Variants in GLG1 observed in about 807,000 individuals in gnomAD.
GLG1 encodes the protein golgi glycoprotein 1.
A neutral mutation model predicts 160.5 loss-of-function variants in GLG1; 38 were observed. That is an observed-to-expected ratio of 0.24 (90% CI 0.18 to 0.31). The LOEUF (loss-of-function observed/expected upper bound fraction) is 0.31, where lower values mean the gene tolerates loss of function less well. GLG1 is among the 10% of genes least tolerant of loss of function. The pLI, the probability that GLG1 is intolerant of heterozygous loss-of-function variation, is 1.00. For missense variants in GLG1, 1,373 were observed against 1,505.2 expected (o/e 0.91, Z 1.45); for synonymous variants, 644 against 543.4 (o/e 1.19, Z -2.57).
chr16:74,456,343 G>C (rs1016203684), intron 25 of GLG1, among the ~76,000 whole-genome samples: 1 of 152,230 alleles, frequency 6.6e-6, no homozygotes, highest in South Asian at 2.1e-4. Context: ...CTGTTTTTTA[G>C]TAGAGACGGG....
At chr16:74,536,929 T>C (rs1312590006) in intron 1 of GLG1, among the ~76,000 whole-genome samples, 1 of 152,220 alleles carries the variant, frequency 6.6e-6, no homozygotes, top group Non-Finnish European at 1.5e-5. Context: ...AGCTGAGCTA[T>C]GTCACATTAT....
chr16:74,518,049 G>A (rs1296352454), intron 2 of GLG1, among the ~76,000 whole-genome samples: 2 of 152,150 alleles, frequency 1.3e-5, no homozygotes, highest in Non-Finnish European at 2.9e-5. Flanking sequence ...GGAAATAAGA[G>A]AGGACACAAA....
At position 74,606,817 on chromosome 16, in the gene GLG1, G is replaced by T; in HGVS notation, c.278C>A (p.Pro93Gln). Residue 93 changes from proline to glutamine, a missense_variant, in exon 1 of 26, where the codon CCG becomes CAG. By Grantham distance (76) the Pro-to-Gln change is moderately conservative (BLOSUM62 -1). This residue lies in a region of GLG1 where 322 missense variants were observed against 254.6 expected (regional missense o/e 1.26). Transcript: ENST00000422840. ...QQPQPPQPPF[P>Q]AGGPPARRGG... ...CCGCCGGGCCGGAGGCCCACCCGCC[G>T]GGAAAGGCGGCTGCGGCGGCTGAGG... is the stretch of plus-strand genomic sequence containing the variant. The T allele has an allele frequency of 6.2e-7, 1 of 1,603,968 alleles. No individual in the cohort carries two copies. The highest frequency in any genetic ancestry group is 1.7e-4 in the Middle Eastern group (1 of 5,934).
chr16:74,532,990 T>C (rs1306029900), intron 1 of GLG1, among the ~76,000 whole-genome samples: 2 of 152,194 alleles, frequency 1.3e-5, no homozygotes, highest in African/African-American at 4.8e-5. Context: ...TATGGATACA[T>C]TTGCTTTGTA....
intron 1 of GLG1, among the ~76,000 whole-genome samples, chr16:74,544,656 A>G (rs2017994792): frequency 6.6e-6 from 1 of 152,106 alleles, no homozygotes; most frequent in South Asian, 2.1e-4. Flanking sequence ...GCGTGCCACC[A>G]CGCCCAGCTA....
At chr16:74,468,806 T>C (rs1459345758) in intron 17 of GLG1, 140 bp downstream of exon 17, 2 of 656,134 alleles carry the variant, frequency 3.0e-6, no homozygotes, top group Admixed American at 2.4e-5. Flanking sequence ...AATGGTCGTA[T>C]GTTAAAACTT....
chr16:74,605,836 C>A (rs1338974916), intron 1 of GLG1, among the ~76,000 whole-genome samples: 1 of 152,126 alleles, frequency 6.6e-6, no homozygotes, highest in South Asian at 2.1e-4. Context: ...GAAAAAGTTA[C>A]TACTGTCAGA....
Position 74,540,943 on chromosome 16 carries a change from T to A in GLG1, c.439-8790A>T, listed in dbSNP as rs1158945516. On this transcript the variant is annotated intron_variant, in intron 1 of 25. Coordinates refer to ENST00000422840, the MANE Select transcript of GLG1 (RefSeq NM_001145667.2). ...GTAATGAAAGTGGCGCTAATGTTTA[T>A]AAACTGCTTTGTAGGAAATACATCA... 2.0e-5 allele frequency among the ~76,000 whole-genome samples: 3 copies of A among 152,272 alleles called. No individual in the cohort carries two copies. The East Asian group carries it at 5.8e-4, about 29-fold the overall frequency.
Position 74,527,534 on chromosome 16 carries a change from G to A in GLG1, c.471+4587C>T, listed in dbSNP as rs559076182. ...CAAAGTGCTGGGATTACAGGCGTGA[G>A]CCACCACGCCTGGCCAAGTCAGTTA... On this transcript the variant is annotated intron_variant, in intron 2 of 25. Transcript: ENST00000422840. 5.8e-4 allele frequency among the ~76,000 whole-genome samples: 88 copies of A among 152,070 alleles called. No homozygotes were observed. In the South Asian group the frequency reaches 0.014, roughly 23 times the overall value.
At chr16:74,475,568 G>A (rs962634310) in intron 12 of GLG1, among the ~76,000 whole-genome samples, 7 of 152,304 alleles carry the variant, frequency 4.6e-5, no homozygotes, top group Middle Eastern at 3.4e-3. Context: ...TTTGGAAACC[G>A]AGCTGGAGCT....
chr16:74,513,919 G>A (rs1230363701), intron 2 of GLG1, among the ~76,000 whole-genome samples: 1 of 152,150 alleles, frequency 6.6e-6, no homozygotes, highest in Non-Finnish European at 1.5e-5. Flanking sequence ...TGGCTAACTA[G>A]AATAACCAGT....
rs1597339821 is a variant in GLG1 at position 74,552,364 on chromosome 16, C to T, written c.439-20211G>A. 1.7e-5 allele frequency: 10 copies of T among 588,480 alleles called. No individual in the cohort carries two copies. In the East Asian group the frequency reaches 4.0e-4, roughly 23 times the overall value. 36.5% of individuals were successfully genotyped at this position (588,480 alleles called of 1,614,324 possible). A position where few individuals can be genotyped will look rare whatever the true frequency, so the allele number is the denominator to read the frequency against. The stretch of plus-strand genomic sequence containing the variant: ...CTAAGTACCCAGACCTGGCAGAAGA[C>T]AAGAATGTGCCCAACCTTCACATCA... On this transcript the variant is annotated intron_variant, in intron 1 of 25. Coordinates refer to ENST00000422840, the MANE Select transcript of GLG1 (RefSeq NM_001145667.2).
intron 1 of GLG1, among the ~76,000 whole-genome samples, chr16:74,586,857 T>TGTATTACAAAAATACA (rs1958065156): frequency 3.3e-5 from 5 of 151,962 alleles, no homozygotes; most frequent in African/African-American, 1.2e-4. Context: ...CACCACACCC[T>TGTATTACAAAAATACA]GCTAATTTTT....
At chr16:74,468,685 C>G (rs2015090330) in intron 17 of GLG1, 2 of 454,978 alleles carry the variant, frequency 4.4e-6, no homozygotes, top group South Asian at 5.3e-5. Flanking sequence ...CATTACTGAT[C>G]CAGTGATTGG....
intron 1 of GLG1, among the ~76,000 whole-genome samples, chr16:74,581,105 T>C (rs528979359): frequency 1.3e-5 from 2 of 152,146 alleles, no homozygotes; most frequent in Non-Finnish European, 1.5e-5. Context: ...AACTTAAAAA[T>C]AGAATTGCCA....
chr16:74,511,231 C>T lies in GLG1; in HGVS notation c.472-2306G>A, dbSNP rs139095207. Reference sequence around the variant, plus strand: ...ACATTAGAAATGACATGGAAGCATGCAGTTAATTCTGTATGAGTGCTGAGG... The same window carrying T: ...ACATTAGAAATGACATGGAAGCATGTAGTTAATTCTGTATGAGTGCTGAGG... On this transcript the variant is annotated intron_variant, in intron 2 of 25. Coordinates refer to ENST00000422840, the MANE Select transcript of GLG1 (RefSeq NM_001145667.2). 7.9e-3 allele frequency among the ~76,000 whole-genome samples: 1,196 copies of T among 152,282 alleles called. 13 individuals carry two copies. The highest frequency in any genetic ancestry group is 0.027 in the African/African-American group (1,122 of 41,558).
intron 2 of GLG1, among the ~76,000 whole-genome samples, chr16:74,521,770 G>GT (rs2017171957): frequency 6.6e-6 from 1 of 152,180 alleles, no homozygotes; most frequent in Admixed American, 6.5e-5. Context: ...CCTCCTCAAT[G>GT]TAAGTCCTGG....
In GLG1 at chr16:74,449,076, G is replaced by C. The variant is rs2014186878; in HGVS notation, c.*4091C>G. 6.6e-6 allele frequency: 1 copy of C among 152,274 alleles called. No homozygotes were observed. The highest frequency in any genetic ancestry group is 2.4e-5 in the African/African-American group (1 of 41,446). The allele number at this position is 152,274 out of a possible 1,614,324, so 9.4% of individuals were successfully genotyped here. On this transcript the variant is annotated 3_prime_UTR_variant, in exon 26 of 26. Coordinates refer to ENST00000422840, the MANE Select transcript of GLG1 (RefSeq NM_001145667.2). ...AGATAGCGCCACAGCACTCCAGCCT[G>C]GCAACGGAGTGAGACTCCATCTCAG...
chr16:74,465,155 G>A (rs114343765), intron 19 of GLG1, among the ~76,000 whole-genome samples: 48 of 152,308 alleles, frequency 3.2e-4, no homozygotes, highest in African/African-American at 1.1e-3. Flanking sequence ...TGAGTTTAAT[G>A]TATGTGTGGC....
Sources: allele counts gnomAD v4.1 joint callset (sites outside exome capture counted in the v4.1 genomes callset), GRCh38; gene constraint gnomAD v4.1.1; regional missense constraint gnomAD v4.1.1; transcripts MANE v1.5; gene names NCBI Gene and HGNC (gene_info 2026-07-23, HGNC 2026-07-21).